Variants in ARHGAP15 observed in about 807,000 individuals in gnomAD.
ARHGAP15 encodes the protein Rho GTPase activating protein 15, also known as rho GTPase-activating protein 15.
A neutral mutation model predicts 63.7 loss-of-function variants in ARHGAP15; 51 were observed. The observed-to-expected ratio is 0.80, with a 90% CI of 0.64 to 1.01. The LOEUF is 1.01. ARHGAP15 is among the 50% of genes least tolerant of loss of function. ARHGAP15 has a pLI of 0.00. For synonymous variants in ARHGAP15, 191 were observed against 193.8 expected (o/e 0.99, Z 0.12); for missense variants, 560 against 564.6 (o/e 0.99, Z 0.08).
At chr2:143,285,291 G>T (rs763698877) in intron 6 of ARHGAP15, among the ~76,000 whole-genome samples, 19 of 151,836 alleles carry the variant, frequency 1.3e-4, no homozygotes, top group East Asian at 1.9e-4. Flanking sequence ...ACTGGCAAGG[G>T]TATTTTTATA....
intron 2 of ARHGAP15, among the ~76,000 whole-genome samples, chr2:143,200,012 G>A (rs1291426792): frequency 1.1e-4 from 16 of 152,052 alleles, no homozygotes; most frequent in Admixed American, 9.8e-4. Flanking sequence ...TTGGTACCTG[G>A]GAAAAACAAA....
At chr2:143,307,700 G>C (rs62170421) in intron 6 of ARHGAP15, among the ~76,000 whole-genome samples, 3 of 152,114 alleles carry the variant, frequency 2.0e-5, no homozygotes, top group Non-Finnish European at 4.4e-5. Context: ...AATACCTACT[G>C]TTTGGAGTCT....
chr2:143,548,569 A>G lies in ARHGAP15; in HGVS notation c.926-7839A>G, dbSNP rs185466088. ...TCTTTTTAGTCTAACATTAAAGAAA[A>G]ATTACAACAAATATTTATCTCTTCC... On this transcript the variant is annotated intron_variant, in intron 10 of 13. Transcript: ENST00000295095. 8.5e-4 allele frequency among the ~76,000 whole-genome samples: 129 copies of G among 152,130 alleles called. 2 individuals carry two copies. In the East Asian group the frequency reaches 0.025, roughly 29 times the overall value.
chr2:143,277,788 G>A (rs1291836112), intron 6 of ARHGAP15, among the ~76,000 whole-genome samples: 2 of 152,070 alleles, frequency 1.3e-5, no homozygotes, highest in African/African-American at 2.4e-5. Flanking sequence ...ACCAGCTTCT[G>A]TAGGGGCCTT....
At chr2:143,732,591 C>T (rs1410410739) in intron 13 of ARHGAP15, among the ~76,000 whole-genome samples, 1 of 152,024 alleles carries the variant, frequency 6.6e-6, no homozygotes, top group Non-Finnish European at 1.5e-5. Context: ...AACTGTGAAG[C>T]TGTATTTCAG....
At chr2:143,153,847 TCCTCCTCCTCCTCCTCCTCCTCCTCTTCC>T (rs1689962155) in intron 1 of ARHGAP15, among the ~76,000 whole-genome samples, 3 of 74,362 alleles carry the variant, frequency 4.0e-5, no homozygotes, top group Admixed American at 1.8e-4. Flanking sequence ...TTCTTCTTCC[TCCTCCTCCTCCTCCTCCTCCTCCTCTTCC>T]TCCTCCTCCT....
chr2:143,246,907 C>T (rs752557965), intron 5 of ARHGAP15, among the ~76,000 whole-genome samples: 1 of 152,094 alleles, frequency 6.6e-6, no homozygotes, highest in Non-Finnish European at 1.5e-5. Context: ...GTGCAAGAGA[C>T]GGGCAAGGTC....
At chr2:143,228,691 T>C in intron 5 of ARHGAP15, 23 bp downstream of exon 5, 1 of 1,470,938 alleles carries the variant, frequency 6.8e-7, no homozygotes, top group Non-Finnish European at 9.2e-7. Context: ...CTGTTTCTAT[T>C]GTTAAATATC....
intron 13 of ARHGAP15, among the ~76,000 whole-genome samples, chr2:143,758,967 T>TA (rs1686671270): frequency 6.6e-6 from 1 of 152,232 alleles, no homozygotes; most frequent in Non-Finnish European, 1.5e-5. Context: ...ATCGAATTGT[T>TA]ACATTTCTAT....
At position 143,540,632 on chromosome 2, in the gene ARHGAP15, A is replaced by T. The variant is rs1024301654; in HGVS notation, c.926-15776A>T. 2.0e-5 allele frequency among the ~76,000 whole-genome samples: 3 copies of T among 152,200 alleles called. No individual in the cohort carries two copies. The East Asian group carries it at 5.8e-4, about 29-fold the overall frequency. ...AAAGTATTTTATTTCTCCTTCCCTT[A>T]TGAAGCTTAGTTTGGCTGGATATGA... On this transcript the variant is annotated intron_variant, in intron 10 of 13. Coordinates refer to ENST00000295095, the MANE Select transcript of ARHGAP15 (RefSeq NM_018460.4).
intron 6 of ARHGAP15, 160 bp from the exon 7 acceptor site, chr2:143,435,441 C>G: frequency 1.6e-6 from 2 of 1,240,998 alleles, no homozygotes; most frequent in Non-Finnish European, 2.1e-6. Flanking sequence ...GAGAGCGGTT[C>G]AAAATGCTCC....
intron 11 of ARHGAP15, among the ~76,000 whole-genome samples, chr2:143,603,170 C>T (rs990989415): frequency 1.3e-5 from 2 of 152,154 alleles, no homozygotes; most frequent in African/African-American, 4.8e-5. Flanking sequence ...TCCTTGCTGG[C>T]CCTGGACCTC....
At chr2:143,289,703 C>A (rs1199766914) in intron 6 of ARHGAP15, among the ~76,000 whole-genome samples, 1 of 152,118 alleles carries the variant, frequency 6.6e-6, no homozygotes, top group African/African-American at 2.4e-5. Context: ...AGTAAAGAAA[C>A]CTTAAATCTG....
chr2:143,446,785 C>G (rs141105465), intron 8 of ARHGAP15, among the ~76,000 whole-genome samples: 5 of 129,462 alleles, frequency 3.9e-5, no homozygotes, highest in East Asian at 2.6e-4. Flanking sequence ...CCCCTCCCCC[C>G]ACCCCACAAC....
At chr2:143,348,463 T>A (rs1255616772) in intron 6 of ARHGAP15, among the ~76,000 whole-genome samples, 6 of 151,540 alleles carry the variant, frequency 4.0e-5, no homozygotes, top group Non-Finnish European at 8.8e-5. Flanking sequence ...TTTTCAGGAT[T>A]AAAAAAAAAC....
chr2:143,159,118 T>C (rs958583363), intron 2 of ARHGAP15, among the ~76,000 whole-genome samples: 3 of 151,944 alleles, frequency 2.0e-5, no homozygotes, highest in Admixed American at 2.0e-4. Flanking sequence ...ACTTCATTCA[T>C]GGCCATCATG....
chr2:143,467,674 T>C (rs1691297615), intron 8 of ARHGAP15, among the ~76,000 whole-genome samples: 1 of 152,110 alleles, frequency 6.6e-6, no homozygotes, highest in African/African-American at 2.4e-5. Context: ...TAATTCAAGT[T>C]ATTAACTTCT....
At chr2:143,396,009 C>T (rs1410048129) in intron 6 of ARHGAP15, among the ~76,000 whole-genome samples, 1 of 151,948 alleles carries the variant, frequency 6.6e-6, no homozygotes, top group East Asian at 1.9e-4. Context: ...CTCAAAAATC[C>T]CAGGAAACAC....
At chr2:143,188,913 C>T (rs1574068280) in intron 2 of ARHGAP15, among the ~76,000 whole-genome samples, 1 of 151,708 alleles carries the variant, frequency 6.6e-6, no homozygotes, top group Non-Finnish European at 1.5e-5. Flanking sequence ...CATGAGCCAC[C>T]GTGCCGGCCC....
Sources: allele counts gnomAD v4.1 joint callset (sites outside exome capture counted in the v4.1 genomes callset), GRCh38; gene constraint gnomAD v4.1.1; transcripts MANE v1.5; gene names NCBI Gene and HGNC (gene_info 2026-07-23, HGNC 2026-07-21).